The following CEMIP variants were observed in gnomAD, a reference collection of about 807,000 sequenced individuals.
CEMIP encodes cell migration inducing hyaluronidase 1.
A neutral mutation model predicts 156.9 loss-of-function variants in CEMIP; 105 were observed. The ratio of observed to expected loss-of-function variants is 0.67; its 90% confidence interval spans 0.57 to 0.79. The LOEUF is 0.79. CEMIP is among the 30% of genes least tolerant of loss of function. The pLI, the probability that CEMIP is intolerant of heterozygous loss-of-function variation, is 0.00. For missense variants in CEMIP, 1,457 were observed against 1,769.4 expected (o/e 0.82, Z 3.17); for synonymous variants, 676 against 668.4 (o/e 1.01, Z -0.17).
intron 1 of CEMIP, among the ~76,000 whole-genome samples, chr15:80,808,765 C>T (rs1281539606): frequency 5.7e-5 from 8 of 140,462 alleles, no homozygotes; most frequent in African/African-American, 8.0e-5. Context: ...CAGGTTCAAG[C>T]GAAATAACAT....
intron 13 of CEMIP, 136 bp from the exon 14 acceptor site, chr15:80,908,961 A>T: frequency 1.2e-6 from 1 of 851,504 alleles, no homozygotes; most frequent in South Asian, 1.4e-5. Flanking sequence ...ATTTGCAGAG[A>T]ATATCTTTGA....
At chr15:80,860,465 G>A (rs1450497195) in intron 1 of CEMIP, among the ~76,000 whole-genome samples, 1 of 152,210 alleles carries the variant, frequency 6.6e-6, no homozygotes, top group Non-Finnish European at 1.5e-5. Flanking sequence ...CACTCCAAAA[G>A]GATTAGCTGT....
intron 1 of CEMIP, among the ~76,000 whole-genome samples, chr15:80,813,825 A>G (rs1410471166): frequency 1.3e-5 from 2 of 152,148 alleles, no homozygotes; most frequent in East Asian, 3.9e-4. Flanking sequence ...AAGACTTAAT[A>G]TTTATATCAA....
At chr15:80,801,047 T>G (rs1326439122) in intron 1 of CEMIP, among the ~76,000 whole-genome samples, 1 of 152,268 alleles carries the variant, frequency 6.6e-6, no homozygotes, top group Non-Finnish European at 1.5e-5. Context: ...GCCATCTTGC[T>G]GCTGTAAATG....
At chr15:80,921,979 T>C in intron 16 of CEMIP, 30 bp from the exon 17 acceptor site, 1 of 1,613,764 alleles carries the variant, frequency 6.2e-7, no homozygotes, top group Non-Finnish European at 8.5e-7. Flanking sequence ...CTGAACGCTG[T>C]GGCTTTTCCC....
chr15:80,836,728 T>C (rs1897279254), intron 1 of CEMIP, among the ~76,000 whole-genome samples: 6 of 151,442 alleles, frequency 4.0e-5, no homozygotes, highest in Admixed American at 4.0e-4. Flanking sequence ...CTGCTTATTA[T>C]GCAGAGAAAT....
At chr15:80,947,326 T>C (rs938097413) in intron 29 of CEMIP, 10 of 466,480 alleles carry the variant, frequency 2.1e-5, no homozygotes, top group Admixed American at 1.4e-4. Flanking sequence ...TGTTGACTCA[T>C]TTGCTTGGAA....
chr15:80,851,285 C>T (rs1008856971), intron 1 of CEMIP, among the ~76,000 whole-genome samples: 3 of 152,202 alleles, frequency 2.0e-5, no homozygotes, highest in Non-Finnish European at 4.4e-5. Flanking sequence ...CAGTGATTGG[C>T]TAACAAATCT....
At chr15:80,886,060 G>A (rs1169036436) in intron 7 of CEMIP, among the ~76,000 whole-genome samples, 1 of 152,182 alleles carries the variant, frequency 6.6e-6, no homozygotes, top group Non-Finnish European at 1.5e-5. Flanking sequence ...GAGGTACTCG[G>A]TTAGACCAGG....
At chr15:80,807,933 A>G (rs1489940190) in intron 1 of CEMIP, among the ~76,000 whole-genome samples, 1 of 152,132 alleles carries the variant, frequency 6.6e-6, no homozygotes, top group Non-Finnish European at 1.5e-5. Context: ...CTGGACAGGG[A>G]GCACTTGTCC....
chr15:80,838,249 A>G (rs1897309571), intron 1 of CEMIP, among the ~76,000 whole-genome samples: 1 of 152,112 alleles, frequency 6.6e-6, no homozygotes, highest in Admixed American at 6.5e-5. Flanking sequence ...GGCTGGAGCA[A>G]CGGGTCTTGC....
intron 3 of CEMIP, among the ~76,000 whole-genome samples, chr15:80,876,047 G>A (rs1260409420): frequency 6.6e-6 from 1 of 152,236 alleles, no homozygotes; most frequent in African/African-American, 2.4e-5. Context: ...CCTGGCAGAT[G>A]CGGACTACGA....
chr15:80,799,536 G>C (rs1428281628), intron 1 of CEMIP, among the ~76,000 whole-genome samples: 1 of 152,210 alleles, frequency 6.6e-6, no homozygotes, highest in Admixed American at 6.5e-5. Context: ...GTATGGAATA[G>C]AACTACCCTG....
At chr15:80,813,029 T>C (rs1043493562) in intron 1 of CEMIP, among the ~76,000 whole-genome samples, 2 of 152,254 alleles carry the variant, frequency 1.3e-5, no homozygotes, top group Admixed American at 6.5e-5. Context: ...ATCATTGCCA[T>C]GTTTTCCCTT....
Position 80,949,628 on chromosome 15 carries a change from T to C in CEMIP, c.*704T>C, listed in dbSNP as rs760616240. ...AACAGTTCATGGATATCCACTGATA[T>C]CCATGATGCTGGGTGCCCCAGCGCA... On this transcript the variant is annotated 3_prime_UTR_variant, in exon 30 of 30. Coordinates refer to ENST00000394685, the MANE Select transcript of CEMIP (RefSeq NM_001293298.2). 1 of 159,336 alleles carries C rather than the reference T, an allele frequency of 6.3e-6. No homozygotes were observed. The highest frequency in any genetic ancestry group is 1.4e-5 in the Non-Finnish European group (1 of 71,648). The allele number at this position is 159,336 out of a possible 1,614,324, so 9.9% of individuals were successfully genotyped here. A position where few individuals can be genotyped will look rare whatever the true frequency, so the allele number is the denominator to read the frequency against.
chr15:80,811,992 C>T (rs562734071), intron 1 of CEMIP, among the ~76,000 whole-genome samples: 3 of 152,154 alleles, frequency 2.0e-5, no homozygotes, highest in Non-Finnish European at 2.9e-5. Flanking sequence ...TTTGACTCCA[C>T]GTCCCGGTTT....
intron 24 of CEMIP, among the ~76,000 whole-genome samples, chr15:80,937,278 C>T (rs1464362878): frequency 6.6e-6 from 1 of 152,184 alleles, no homozygotes; most frequent in African/African-American, 2.4e-5. Context: ...GGAAACGAGG[C>T]TCTGCGAGAT....
intron 1 of CEMIP, among the ~76,000 whole-genome samples, chr15:80,829,967 T>G (rs373148739): frequency 3.3e-5 from 4 of 122,840 alleles, no homozygotes; most frequent in African/African-American, 1.3e-4. Flanking sequence ...AGGTAGCGGG[T>G]GTGTGTGTGT....
At chr15:80,946,432 CTCTAGAACCTTCAGGA>C (rs921644193) in intron 28 of CEMIP, 7 of 161,078 alleles carry the variant, frequency 4.3e-5, no homozygotes, top group African/African-American at 1.4e-4. Flanking sequence ...TGGAGCTGGT[CTCTAGAACCTTCAGGA>C]TCTAGAACCT....
Sources: gnomAD v4.1 joint callset for allele counts (sites outside exome capture counted in the v4.1 genomes callset) on GRCh38, gnomAD v4.1.1 for gene constraint, MANE v1.5 for transcripts, NCBI Gene and HGNC (gene_info 2026-07-23, HGNC 2026-07-21) for gene names.